Variants in C16orf96 observed in about 807,000 individuals in gnomAD.
C16orf96 encodes the protein chromosome 16 open reading frame 96, also known as uncharacterized protein C16orf96.
Under a neutral mutation model 103.6 loss-of-function variants are expected in C16orf96, and 108 were observed. The ratio of observed to expected loss-of-function variants is 1.04; its 90% confidence interval spans 0.89 to 1.22. The LOEUF is 1.22. Among genes scored for constraint, C16orf96 ranks in the 50% most tolerant of loss-of-function variants. The probability of loss-of-function intolerance (pLI) is 0.00; values close to 1 mark genes in which losing one functional copy is unlikely to be tolerated. For synonymous variants in C16orf96, 566 were observed against 593.5 expected, an observed-to-expected ratio of 0.95 and a Z score of 0.67; for missense variants, 1,586 against 1,464.2, an observed-to-expected ratio of 1.08 and a Z score of -1.36.
chr16:4,556,417 C>G lies in C16orf96; in HGVS notation c.-73C>G. On this transcript the variant is annotated 5_prime_UTR_variant, in exon 1 of 16. Transcript: ENST00000444310. ...TCTGAGGACCAGTCCATGTAGCTCTCGGAACCACTGAAAGCTACCCCTTGT... is the reference window on the plus strand; with the variant it reads ...TCTGAGGACCAGTCCATGTAGCTCTGGGAACCACTGAAAGCTACCCCTTGT... The G allele has an allele frequency of 7.0e-7, 1 of 1,432,904 alleles. No individual in the cohort carries two copies. 88.8% of individuals were successfully genotyped at this position (1,432,904 alleles called of 1,614,324 possible). A position where few individuals can be genotyped will look rare whatever the true frequency, so the allele number is the denominator to read the frequency against.
At position 4,578,943 on chromosome 16, in the gene C16orf96, A is replaced by G. The variant is rs746752229; in HGVS notation, c.2159A>G (p.Asn720Ser). Residue 720 changes from asparagine to serine, a missense_variant, in exon 6 of 16, where the codon AAT becomes AGT. Physicochemically the swap from Asn to Ser is conservative, Grantham distance 46 (BLOSUM62 1). Transcript: ENST00000444310. ...CCACCCTGTCCTCTGCTTTCAGCCAATATGGGAGGTCCTTCCAGCCTCGGG... is the reference window on the plus strand; with the variant it reads ...CCACCCTGTCCTCTGCTTTCAGCCAGTATGGGAGGTCCTTCCAGCCTCGGG... ...NLNQRLSYLA[N>S]MGGPSSLGTT... 4 of 1,551,120 alleles carry G rather than the reference A, an allele frequency of 2.6e-6. No individual in the cohort carries two copies. Among genetic ancestry groups the G allele is most frequent in the East Asian group, 2.4e-5 (1 of 40,922 alleles).
Position 4,583,900 on chromosome 16 carries a change from G to C in C16orf96, c.2353-3139G>C, listed in dbSNP as rs1019679331. On this transcript the variant is annotated intron_variant, in intron 7 of 15. Transcript: ENST00000444310. ...AGATCGCACCACTGCACTCCAGCCT[G>C]GGCGAGAGAGCAAGACTGTATCTCA... Among the ~76,000 whole-genome samples the C allele has an allele frequency of 2.3e-5, 3 of 130,732 alleles. No homozygotes were observed. In the East Asian group the frequency reaches 7.1e-4, roughly 31 times the overall value. 85.8% of individuals were successfully genotyped at this position (130,732 alleles called of 152,430 possible).
chr16:4,556,871 C>T lies in C16orf96; in HGVS notation c.382C>T (p.Arg128Trp), dbSNP rs937658464. ...VQDLWHLIKLRKMVEGHDEVM... is the reference protein window; with the variant it reads ...VQDLWHLIKLWKMVEGHDEVM... ...GGACCTGTGGCATCTGATCAAGCTC[C>T]GGAAGATGGTGGAGGGTCATGATGA... Residue 128 changes from arginine to tryptophan, a missense_variant, in exon 1 of 16, where the codon CGG (arginine) becomes TGG (tryptophan). Transcript: ENST00000444310. 26 of 1,550,202 alleles carry T rather than the reference C, an allele frequency of 1.7e-5. No individual in the cohort carries two copies. The highest frequency in any genetic ancestry group is 1.5e-4 in the East Asian group (6 of 40,878).
intron 1 of C16orf96, chr16:4,561,765 C>G (rs901144259): frequency 5.3e-5 from 8 of 152,226 alleles, no homozygotes; most frequent in African/African-American, 1.9e-4. Flanking sequence ...ATGATGCAAA[C>G]TGCACAGCTA....
chr16:4,547,738 C>CTTTCTTTCTTTCTTTCTG, the C16orf96 span, among the ~76,000 whole-genome samples: 1 of 113,422 alleles, frequency 8.8e-6, no homozygotes, highest in Non-Finnish European at 1.7e-5. Context: ...CTTTCTTTCT[C>CTTTCTTTCTTTCTTTCTG]CTTCCTTGCT....
the C16orf96 span, among the ~76,000 whole-genome samples, chr16:4,539,111 C>T: frequency 6.6e-6 from 1 of 152,170 alleles, no homozygotes; most frequent in African/African-American, 2.4e-5. Context: ...TTGAACCACA[C>T]GGTCACTGTC....
At chr16:4,561,996 T>C (rs2059337164) in intron 1 of C16orf96, among the ~76,000 whole-genome samples, 1 of 152,162 alleles carries the variant, frequency 6.6e-6, no homozygotes, top group Non-Finnish European at 1.5e-5. Flanking sequence ...TTCCATAACA[T>C]TGTGGGTCCA....
At chr16:4,546,067 C>G in the C16orf96 span, among the ~76,000 whole-genome samples, 1 of 151,810 alleles carries the variant, frequency 6.6e-6, no homozygotes, top group Non-Finnish European at 1.5e-5. Context: ...CCAGGCTGAT[C>G]TCGAACTCCT....
chr16:4,580,387 G>A (rs2059571023), intron 7 of C16orf96, among the ~76,000 whole-genome samples: 1 of 139,934 alleles, frequency 7.1e-6, no homozygotes, highest in Non-Finnish European at 1.5e-5. Context: ...GCCCCTGGAA[G>A]GGCAGGGGTA....
intron 7 of C16orf96, among the ~76,000 whole-genome samples, chr16:4,584,954 A>C (rs1896885739): frequency 6.6e-6 from 1 of 152,174 alleles, no homozygotes; most frequent in Non-Finnish European, 1.5e-5. Flanking sequence ...TACAGGCATT[A>C]GCCACTGCGC....
chr16:4,574,730 A>G lies in C16orf96; in HGVS notation c.547A>G (p.Ile183Val), dbSNP rs780962315. ...LDKVHPERMD[I>V]FAEDFKIQNW... The stretch of plus-strand genomic sequence containing the variant: ...ACAGGTACACCCAGAAAGAATGGAC[A>G]TCTTTGCTGAAGACTTCAAAATACA... The change falls in exon 3 of 16, where the codon ATC becomes GTC. Residue 183 changes from isoleucine to valine, a missense_variant. Transcript: ENST00000444310. The G allele has an allele frequency of 7.7e-6, 12 of 1,551,764 alleles. No homozygotes were observed. The African/African-American group carries it at 1.4e-4, about 18-fold the overall frequency.
chr16:4,553,783 C>G (rs529676220), upstream of C16orf96, among the ~76,000 whole-genome samples: 9 of 152,266 alleles, frequency 5.9e-5, no homozygotes, highest in African/African-American at 1.4e-4. Flanking sequence ...CTGCAAGAAA[C>G]GTTTTCCATC....
intron 1 of C16orf96, among the ~76,000 whole-genome samples, chr16:4,562,375 G>A (rs1473089594): frequency 6.6e-6 from 1 of 151,832 alleles, no homozygotes; most frequent in Non-Finnish European, 1.5e-5. Flanking sequence ...TCAGGAGGCT[G>A]AGGCAGGATT....
intron 1 of C16orf96, among the ~76,000 whole-genome samples, chr16:4,564,910 G>T (rs1258555176): frequency 6.6e-6 from 1 of 152,210 alleles, no homozygotes; most frequent in Non-Finnish European, 1.5e-5. Flanking sequence ...GAGGACCAAG[G>T]TTGCCATGAT....
At chr16:4,586,921 T>C in intron 7 of C16orf96, 118 bp from the exon 8 acceptor site, 1 of 877,754 alleles carries the variant, frequency 1.1e-6, no homozygotes, top group Admixed American at 2.2e-5. Context: ...CCCACCTGCC[T>C]GCTGTCCACA....
At chr16:4,550,151 C>G in the C16orf96 span, among the ~76,000 whole-genome samples, 2 of 149,424 alleles carry the variant, frequency 1.3e-5, no homozygotes, top group Non-Finnish European at 3.0e-5. Flanking sequence ...ATGGCATGAT[C>G]TCAGCTCACT....
chr16:4,572,228 A>C (rs960649490), intron 2 of C16orf96, among the ~76,000 whole-genome samples: 4 of 151,964 alleles, frequency 2.6e-5, no homozygotes, highest in African/African-American at 9.7e-5. Context: ...GGATTAGGCA[A>C]AATAAGGGAT....
At chr16:4,553,581 G>A (rs1344208316), upstream of C16orf96, among the ~76,000 whole-genome samples, 3 of 152,048 alleles carry the variant, frequency 2.0e-5, no homozygotes, top group African/African-American at 4.8e-5. Flanking sequence ...GGGCTCAAGC[G>A]ATCTGCCTGC....
chr16:4,593,306 C>G lies in C16orf96; in HGVS notation c.2857C>G (p.Gln953Glu), dbSNP rs1236136734. 1 of 1,550,746 alleles carries G rather than the reference C, an allele frequency of 6.4e-7. No homozygotes were observed. Among genetic ancestry groups the G allele is most frequent in the Non-Finnish European group, 8.7e-7 (1 of 1,146,824 alleles). ...CAACAGCTGCGAGTACTTGCAGCGG[C>G]AACAGATGAGGTGAGCAGGATGGGC... ...SANSCEYLQRQQMREQQWLQL... is the reference protein window; with the variant it reads ...SANSCEYLQREQMREQQWLQL... Residue 953 changes from glutamine (Q) to glutamate (E), a missense_variant, in exon 12 of 16, where the codon CAA (glutamine) becomes GAA (glutamate). Transcript: ENST00000444310. This position sits in a 1 kb window ranked among gnomAD's most constrained non-coding sequence, Gnocchi z 4.2.
Sources: gnomAD v4.1 joint callset for allele counts (sites outside exome capture counted in the v4.1 genomes callset) on GRCh38, gnomAD v4.1.1 for gene constraint, Gnocchi (gnomAD v3.1) non-coding constraint, MANE v1.5 for transcripts, NCBI Gene and HGNC (gene_info 2026-07-23, HGNC 2026-07-21) for gene names.